DPP4: variants seen among roughly 807,000 people sequenced by gnomAD.
The protein encoded by DPP4 is dipeptidyl peptidase 4, also known as ADCP-2.
In DPP4, 93 loss-of-function variants were observed where a neutral mutation model predicts 122.4. The observed-to-expected ratio is 0.76, with a 90% confidence interval of 0.64 to 0.90. DPP4 has a LOEUF of 0.90. DPP4 is among the 40% of genes least tolerant of loss of function. DPP4 has a pLI of 0.00. For synonymous variants in DPP4, 321 were observed against 302.9 expected (o/e 1.06, Z -0.62); for missense variants, 914 against 907.3 (o/e 1.01, Z -0.09).
At chr2:162,056,474 CA>C (rs1684579369) in intron 2 of DPP4, among the ~76,000 whole-genome samples, 1 of 152,176 alleles carries the variant, frequency 6.6e-6, no homozygotes, top group Admixed American at 6.5e-5. Context: ...TAGGACTAGA[CA>C]GAGTGAGCAC....
intron 20 of DPP4, among the ~76,000 whole-genome samples, chr2:162,010,661 A>G (rs905776040): frequency 2.6e-5 from 4 of 152,210 alleles, no homozygotes; most frequent in African/African-American, 9.6e-5. Flanking sequence ...CTGGATAGAT[A>G]CAAGTTTATT....
At chr2:162,027,944 G>C (rs1467555469) in intron 10 of DPP4, among the ~76,000 whole-genome samples, 2 of 151,994 alleles carry the variant, frequency 1.3e-5, no homozygotes, top group Non-Finnish European at 2.9e-5. Context: ...TGCTCAGCAA[G>C]GCAGTTCACC....
chr2:161,995,144 C>G, intron 24 of DPP4, 110 bp from the exon 25 acceptor site: 2 of 1,362,412 alleles, frequency 1.5e-6, no homozygotes, highest in South Asian at 2.4e-5. Flanking sequence ...TTCTAGGACT[C>G]AGCATCCCAT....
intron 11 of DPP4, 103 bp from the exon 12 acceptor site, chr2:162,022,902 G>A (rs1373443541): frequency 9.1e-7 from 1 of 1,102,724 alleles, no homozygotes; most frequent in African/African-American, 1.6e-5. Flanking sequence ...TATAATAACT[G>A]AGAGCTATCT....
At chr2:162,052,821 C>A (rs1157222789) in intron 2 of DPP4, among the ~76,000 whole-genome samples, 1 of 152,108 alleles carries the variant, frequency 6.6e-6, no homozygotes, top group African/African-American at 2.4e-5. Context: ...GATCAGAATG[C>A]TGGTAGAAAT....
chr2:162,016,726 G>T, intron 18 of DPP4, 42 bp downstream of exon 18: 2 of 1,357,552 alleles, frequency 1.5e-6, no homozygotes, highest in Non-Finnish European at 2.1e-6. Flanking sequence ...GAGTGCATTG[G>T]TGTTTCCATG....
At chr2:162,035,142 C>T (rs200036709) in intron 9 of DPP4, 22 bp downstream of exon 9, 124 of 1,594,032 alleles carry the variant, frequency 7.8e-5, no homozygotes, top group Admixed American at 1.6e-4. Flanking sequence ...CATGGAACCA[C>T]TGTACAAACA....
chr2:162,040,302 A>T (rs1683940234), intron 5 of DPP4, among the ~76,000 whole-genome samples: 1 of 152,166 alleles, frequency 6.6e-6, no homozygotes, highest in South Asian at 2.1e-4. Flanking sequence ...CTGGGAGGCA[A>T]CTAAGATGTC....
At chr2:162,026,873 C>A (rs1223524393) in intron 10 of DPP4, among the ~76,000 whole-genome samples, 1 of 152,096 alleles carries the variant, frequency 6.6e-6, no homozygotes, top group African/African-American at 2.4e-5. Flanking sequence ...TTTTTTAGAC[C>A]AGACGTTGGA....
At chr2:162,068,733 A>C (rs926505799) in intron 2 of DPP4, among the ~76,000 whole-genome samples, 8 of 152,152 alleles carry the variant, frequency 5.3e-5, no homozygotes, top group East Asian at 1.9e-4. Context: ...ATTACTACTA[A>C]TACTACTAAA....
intron 2 of DPP4, among the ~76,000 whole-genome samples, chr2:162,056,110 G>A (rs1162960297): frequency 6.6e-6 from 1 of 152,168 alleles, no homozygotes; most frequent in African/African-American, 2.4e-5. Flanking sequence ...GACTAGCACT[G>A]CAGCCTTCTT....
At chr2:161,997,886 C>T (rs145671404) in intron 23 of DPP4, among the ~76,000 whole-genome samples, 150 of 152,342 alleles carry the variant, frequency 9.8e-4, no homozygotes, top group South Asian at 3.1e-3. Context: ...AGTCTGACAG[C>T]AAGCCCTTTT....
At chr2:161,997,516 T>A (rs566191547) in intron 23 of DPP4, among the ~76,000 whole-genome samples, 1 of 152,224 alleles carries the variant, frequency 6.6e-6, no homozygotes, top group Non-Finnish European at 1.5e-5. Flanking sequence ...GATCAAGCAC[T>A]TGCAGTGTCC....
At chr2:162,022,604 C>G in intron 12 of DPP4, 151 bp downstream of exon 12, 1 of 714,126 alleles carries the variant, frequency 1.4e-6, no homozygotes, top group Non-Finnish European at 2.4e-6. Context: ...AAAAAGATAT[C>G]TTTATAGGGA....
chr2:161,997,268 G>T (rs541236342), intron 23 of DPP4, among the ~76,000 whole-genome samples: 1 of 152,082 alleles, frequency 6.6e-6, no homozygotes, highest in African/African-American at 2.4e-5. Context: ...AACTTTTTTT[G>T]TCTGGTAAGA....
intron 2 of DPP4, among the ~76,000 whole-genome samples, chr2:162,065,218 T>C (rs2193681): frequency 0.25 from 38,101 of 152,138 alleles, 5,872 homozygotes; most frequent in Non-Finnish European, 0.36. Flanking sequence ...AAAGTTTGCA[T>C]CTGGTCAGAG....
intron 4 of DPP4, chr2:162,046,651 T>C (rs1277971360): frequency 3.7e-6 from 2 of 543,962 alleles, no homozygotes; most frequent in South Asian, 1.5e-5. Flanking sequence ...AAGGAGAGCA[T>C]GCAAAGTGAA....
intron 7 of DPP4, 49 bp downstream of exon 7, chr2:162,038,900 T>C (rs201199751): frequency 7.8e-6 from 12 of 1,542,438 alleles, no homozygotes; most frequent in Admixed American, 6.7e-5. Flanking sequence ...CTTCTGCCTA[T>C]GAAAAATTTG....
chr2:162,048,905 C>G (rs1024899626), intron 2 of DPP4, among the ~76,000 whole-genome samples: 2 of 152,172 alleles, frequency 1.3e-5, no homozygotes, highest in African/African-American at 4.8e-5. Context: ...TAACACAGTT[C>G]AATTCCACAG....
Sources: allele counts gnomAD v4.1 joint callset (sites outside exome capture counted in the v4.1 genomes callset), GRCh38; gene constraint gnomAD v4.1.1; transcripts MANE v1.5; gene names NCBI Gene and HGNC (gene_info 2026-07-23, HGNC 2026-07-21).